The following PANK3 variants were observed in gnomAD, a reference collection of about 807,000 sequenced individuals.
PANK3 encodes the protein pantothenate kinase 3, also known as hPanK3.
PANK3 carries 20 observed loss-of-function variants against 39.4 expected under a neutral mutation model. The ratio of observed to expected loss-of-function variants is 0.51; its 90% CI spans 0.36 to 0.74. PANK3 has a LOEUF of 0.74. Ranked by LOEUF, PANK3 falls within the 30% of genes least tolerant of loss-of-function variation. The pLI is 0.00. For synonymous variants in PANK3, 140 were observed against 157.3 expected (o/e 0.89, Z 0.82); for missense variants, 265 against 437.0 (o/e 0.61, Z 3.51).
At chr5:168,558,700 G>C (rs542344620) in intron 6 of PANK3, among the ~76,000 whole-genome samples, 4 of 152,298 alleles carry the variant, frequency 2.6e-5, no homozygotes, top group African/African-American at 9.6e-5. Flanking sequence ...CTGAAGCGAA[G>C]GAACCAATAT....
At chr5:168,572,651 C>T (rs1401766785) in intron 1 of PANK3, among the ~76,000 whole-genome samples, 1 of 152,172 alleles carries the variant, frequency 6.6e-6, no homozygotes, top group Non-Finnish European at 1.5e-5. Flanking sequence ...GCTATTTTCA[C>T]TTCTTTTGAG....
chr5:168,570,396 A>AAAG, intron 1 of PANK3, among the ~76,000 whole-genome samples: 1 of 150,908 alleles, frequency 6.6e-6, no homozygotes, highest in Non-Finnish European at 1.5e-5. Context: ...AAAAAAAAAA[A>AAAG]AAAGAAAGAA....
chr5:168,570,118 T>C (rs1759602701), intron 1 of PANK3, among the ~76,000 whole-genome samples: 2 of 151,940 alleles, frequency 1.3e-5, no homozygotes, highest in Non-Finnish European at 1.5e-5. Context: ...CGCGGTGGCT[T>C]ACGCCTGTGA....
At chr5:168,560,113 G>A (rs1245923843) in intron 5 of PANK3, among the ~76,000 whole-genome samples, 1 of 152,162 alleles carries the variant, frequency 6.6e-6, no homozygotes, top group Non-Finnish European at 1.5e-5. Flanking sequence ...CAATTGGTCA[G>A]TGGAAATTTA....
chr5:168,576,906 G>A (rs1759740087), intron 1 of PANK3, among the ~76,000 whole-genome samples: 1 of 151,928 alleles, frequency 6.6e-6, no homozygotes, highest in Non-Finnish European at 1.5e-5. Context: ...TTGAGACGGA[G>A]TGTTGCTCTG....
chr5:168,566,198 G>C lies in PANK3; in HGVS notation c.450C>G (p.Asp150Glu), dbSNP rs756568563. ...DCLVKGLLYIDSVSFNGQAEC... is the reference protein window; with the variant it reads ...DCLVKGLLYIESVSFNGQAEC... ...CGGCTTGTCCATTGAAACTGACAGA[G>C]TCTATATACAGCAAGCCCTTTACAA... Residue 150 changes from aspartate (D) to glutamate (E), a missense_variant, in exon 3 of 7, where the codon GAC becomes GAG. By Grantham distance (45) the Asp-to-Glu change is conservative (BLOSUM62 2). This residue lies in a region of PANK3 where 154 missense variants were observed against 256.8 expected (regional missense o/e 0.60). Coordinates refer to ENST00000239231, the MANE Select transcript of PANK3 (RefSeq NM_024594.4). 5 of 1,613,972 alleles carry C rather than the reference G, an allele frequency of 3.1e-6. No homozygotes were observed. The East Asian group carries it at 1.1e-4, about 36-fold the overall frequency.
intron 4 of PANK3, among the ~76,000 whole-genome samples, chr5:168,561,872 A>G (rs1490103397): frequency 6.6e-6 from 1 of 152,242 alleles, no homozygotes; most frequent in East Asian, 1.9e-4. Flanking sequence ...TTCAGTCACA[A>G]GAAACATTTA....
At chr5:168,570,420 G>C (rs115366612) in intron 1 of PANK3, among the ~76,000 whole-genome samples, 5,604 of 149,252 alleles carry the variant, frequency 0.038, 345 homozygotes, top group African/African-American at 0.13. Context: ...AAGAAAGAAA[G>C]AAAATCATCA....
At position 168,579,367 on chromosome 5, in the gene PANK3, G is replaced by A. The variant is rs1488585864; in HGVS notation, c.-84C>T. The A allele has an allele frequency of 1.6e-6, 2 of 1,224,456 alleles. No homozygotes were observed. The highest frequency in any genetic ancestry group is 3.4e-5 in the Admixed American group (1 of 29,080). 75.8% of individuals were successfully genotyped at this position (1,224,456 alleles called of 1,614,324 possible). A position where few individuals can be genotyped will look rare whatever the true frequency, so the allele number is the denominator to read the frequency against. The stretch of plus-strand genomic sequence containing the variant: ...GCGACTCCGGAGGTGGCTGGGCCGC[G>A]CGGCGAGGCCCGGCCGGTTCCTCCC... On this transcript the variant is annotated 5_prime_UTR_variant, in exon 1 of 7. Coordinates refer to ENST00000239231, the MANE Select transcript of PANK3 (RefSeq NM_024594.4).
intron 1 of PANK3, among the ~76,000 whole-genome samples, chr5:168,572,090 G>C (rs933120392): frequency 6.7e-6 from 1 of 149,006 alleles, no homozygotes; most frequent in African/African-American, 2.5e-5. Flanking sequence ...CAGTTTTGTT[G>C]AGTGCCTAGC....
chr5:168,566,074 A>G lies in PANK3; in HGVS notation c.574T>C (p.Ser192Pro). 1 of 1,613,846 alleles carries G rather than the reference A, an allele frequency of 6.2e-7. No homozygotes were observed. The highest frequency in any genetic ancestry group is 8.5e-7 in the Non-Finnish European group (1 of 1,179,976). ...TGGACTGCTAAAATACTGACTCCTG[A>G]GCCAATGTTCACTACAAGCAGTGGA... ...PYPLLVVNIG[S>P]GVSILAVHSK... The change falls in exon 3 of 7, where the codon TCA becomes CCA. Residue 192 changes from serine to proline, a missense_variant. By Grantham distance (74) the Ser-to-Pro change is moderately conservative (BLOSUM62 -1). Coordinates refer to ENST00000239231, the MANE Select transcript of PANK3 (RefSeq NM_024594.4).
At chr5:168,560,893 T>C in intron 5 of PANK3, 1 of 489,752 alleles carries the variant, frequency 2.0e-6, no homozygotes, top group African/African-American at 2.0e-5. Flanking sequence ...GAAGAACAGG[T>C]CTCAATGCCT....
In PANK3 at chr5:168,552,182, G is replaced by T. The variant is rs1257836624; in HGVS notation, c.*5389C>A. On this transcript the variant is annotated 3_prime_UTR_variant, in exon 7 of 7. Coordinates refer to ENST00000239231, the MANE Select transcript of PANK3 (RefSeq NM_024594.4). ...GAAAATTAAGCCCAAAAGTTACAAAGATTTTTCTGTGTACAGAGGTCTACA... is the reference window on the plus strand; with the variant it reads ...GAAAATTAAGCCCAAAAGTTACAAATATTTTTCTGTGTACAGAGGTCTACA... The T allele has an allele frequency of 3.9e-5, 6 of 152,106 alleles. No individual in the cohort carries two copies. Among genetic ancestry groups the T allele is most frequent in the South Asian group, 4.1e-4 (2 of 4,826 alleles). The allele number at this position is 152,106 out of a possible 1,614,324, so 9.4% of individuals were successfully genotyped here.
In PANK3 at chr5:168,561,385, T is replaced by G; in HGVS notation, c.936+8A>C. 1 of 1,566,856 alleles carries G rather than the reference T, an allele frequency of 6.4e-7. No individual in the cohort carries two copies. On this transcript the variant is annotated splice_region_variant and intron_variant, in intron 5 of 6. Transcript: ENST00000239231. ...ATAATTCAAGTTTTGTGTTTTTTGT[T>G]TTTTTACCTCATTAACAGCACACAT...
chr5:168,559,252 CA>C, intron 5 of PANK3, 95 bp from the exon 6 acceptor site: 2 of 827,008 alleles, frequency 2.4e-6, no homozygotes, highest in Non-Finnish European at 3.5e-6. Context: ...TTTTAAAATG[CA>C]AAAAAACACA....
At position 168,550,223 on chromosome 5, in the gene PANK3, AGAT is replaced by A. The variant is rs1759255375; in HGVS notation, c.*7345_*7347del. The A allele has an allele frequency of 6.6e-6, 1 of 152,244 alleles. No homozygotes were observed. The highest frequency in any genetic ancestry group is 6.5e-5 in the Admixed American group (1 of 15,288). The allele number at this position is 152,244 out of a possible 1,614,324, so 9.4% of individuals were successfully genotyped here. On this transcript the variant is annotated 3_prime_UTR_variant, in exon 7 of 7. Transcript: ENST00000239231. ...TTCATTATAAAATAGGTTTTGTATTAGATGATTTTGCCCAGCTAAAGGCCAACG... is the reference window on the plus strand; with the variant it reads ...TTCATTATAAAATAGGTTTTGTATTAGATTTTGCCCAGCTAAAGGCCAACG...
rs1336296892 is a variant in PANK3 at position 168,554,125 on chromosome 5, T to A, written c.*3446A>T. The A allele has an allele frequency of 1.3e-5, 2 of 152,208 alleles. No individual in the cohort carries two copies. The highest frequency in any genetic ancestry group is 2.9e-5 in the Non-Finnish European group (2 of 68,046). The allele number at this position is 152,208 out of a possible 1,614,324, so 9.4% of individuals were successfully genotyped here. On this transcript the variant is annotated 3_prime_UTR_variant, in exon 7 of 7. Transcript: ENST00000239231. ...CTGGGAATTTATTCTCTCTTTTGTA[T>A]TTTTGATAGTGATTACAAAGTTTTT... is the stretch of plus-strand genomic sequence containing the variant.
chr5:168,575,779 G>A (rs751582532), intron 1 of PANK3, among the ~76,000 whole-genome samples: 3 of 151,652 alleles, frequency 2.0e-5, no homozygotes, highest in Non-Finnish European at 4.4e-5. Flanking sequence ...GTGTGAGATC[G>A]CGTCTCAAAA....
In PANK3 at chr5:168,563,995, C is replaced by G. The variant is rs747693603; in HGVS notation, c.706G>C (p.Glu236Gln). The change falls in exon 4 of 7, where the codon GAA (glutamate) becomes CAA (glutamine). Residue 236 changes from glutamate (E) to glutamine (Q), a missense_variant. Physicochemically the swap from Glu to Gln is conservative, Grantham distance 29 (BLOSUM62 2). Coordinates refer to ENST00000239231, the MANE Select transcript of PANK3 (RefSeq NM_024594.4). ...TGCESFEEAL[E>Q]MASKGDSTQA... ...GTGCTATCACCTTTGGATGCCATTT[C>G]AAGAGCCTCTTCAAAACTTTCACAG... 1.4e-5 allele frequency: 22 copies of G among 1,613,670 alleles called. No homozygotes were observed. Among genetic ancestry groups the G allele is most frequent in the Non-Finnish European group, 1.9e-5 (22 of 1,179,842 alleles).
Sources: gnomAD v4.1 joint callset for allele counts (sites outside exome capture counted in the v4.1 genomes callset) on GRCh38, gnomAD v4.1.1 for gene constraint, gnomAD v4.1.1 regional missense constraint, MANE v1.5 for transcripts, NCBI Gene and HGNC (gene_info 2026-07-23, HGNC 2026-07-21) for gene names.